CPA5: variants seen among roughly 807,000 people sequenced by gnomAD.
CPA5 encodes testicular tissue protein Li 32.
A neutral mutation model predicts 52.2 loss-of-function variants in CPA5; 38 were observed. That is an observed-to-expected ratio of 0.73 (90% CI 0.56 to 0.95). CPA5 has a LOEUF of 0.95. Among genes scored for constraint, CPA5 ranks in the 40% least tolerant of loss-of-function variants. The pLI is 0.00. For synonymous variants in CPA5, 198 were observed against 213.7 expected (o/e 0.93, Z 0.64); for missense variants, 519 against 566.7 (o/e 0.92, Z 0.86).
Position 130,359,610 on chromosome 7 carries a change from C to T in CPA5, c.355C>T (p.Gln119Ter). The change falls in exon 6 of 13, where the codon CAG (glutamine) becomes TAG (stop). Residue 119 changes from glutamine (Q) to a stop codon, truncating the protein, a stop_gained. Coordinates refer to ENST00000474905, the MANE Select transcript of CPA5 (RefSeq NM_080385.5). LOFTEE classifies it high-confidence loss of function. ...DIQVLLDEERQAMAKSRRLER... is the reference protein window; with the variant it reads ...DIQVLLDEER ...CCAGGTGCTGCTGGATGAGGAAAGA[C>T]AGGCCATGGCGAAATCCCGCCGGCT... The T allele has an allele frequency of 6.4e-7, 1 of 1,570,544 alleles. No homozygotes were observed. Among genetic ancestry groups the T allele is most frequent in the Non-Finnish European group, 8.6e-7 (1 of 1,157,206 alleles).
chr7:130,371,262 G>T (rs1164478484), downstream of CPA5, among the ~76,000 whole-genome samples: 1 of 152,218 alleles, frequency 6.6e-6, no homozygotes, highest in African/African-American at 2.4e-5. Flanking sequence ...GTGCATTAGG[G>T]GTTTCAACAT....
chr7:130,348,560 G>T (rs782479481), intron 4 of CPA5, among the ~76,000 whole-genome samples: 23 of 152,172 alleles, frequency 1.5e-4, no homozygotes, highest in Admixed American at 3.9e-4. Context: ...TGCGGGGATG[G>T]GAACAATGAT....
chr7:130,358,089 G>A (rs536625868), intron 5 of CPA5, among the ~76,000 whole-genome samples: 1 of 151,878 alleles, frequency 6.6e-6, no homozygotes, highest in Non-Finnish European at 1.5e-5. Context: ...TCCAACTCCC[G>A]GGCTCAAGCA....
downstream of CPA5, among the ~76,000 whole-genome samples, chr7:130,371,944 C>T (rs1796298651): frequency 6.6e-6 from 1 of 152,186 alleles, no homozygotes; most frequent in Non-Finnish European, 1.5e-5. Context: ...TCTTGCCTCC[C>T]TGCTCATCAG....
Position 130,346,515 on chromosome 7 carries a change from C to T in CPA5, c.30C>T (p.Arg10=). The T allele has an allele frequency of 1.2e-6, 2 of 1,613,796 alleles. No individual in the cohort carries two copies. The highest frequency in any genetic ancestry group is 1.7e-6 in the Non-Finnish European group (2 of 1,179,886). MQGTPGGGT[R]PGPSPVDRRT... Reference sequence around the variant, plus strand: ...AGGGCACCCCTGGAGGCGGGACGCGCCCTGGGCCATCCCCCGTGGACAGGC... The same window carrying T: ...AGGGCACCCCTGGAGGCGGGACGCGTCCTGGGCCATCCCCCGTGGACAGGC... Residue 10 remains arginine, a synonymous_variant, in exon 3 of 13, where the codon CGC becomes CGT. Coordinates refer to ENST00000474905, the MANE Select transcript of CPA5 (RefSeq NM_080385.5).
intron 5 of CPA5, among the ~76,000 whole-genome samples, chr7:130,352,017 G>A (rs1475451002): frequency 2.0e-5 from 3 of 152,110 alleles, no homozygotes; most frequent in African/African-American, 7.2e-5. Flanking sequence ...ACCTACCATA[G>A]GACCTGCTGC....
chr7:130,362,412 G>T (rs1328270992), intron 7 of CPA5, 26 bp from the exon 8 acceptor site: 2 of 1,576,062 alleles, frequency 1.3e-6, no homozygotes, highest in Admixed American at 3.4e-5. Flanking sequence ...TCAAACCTCG[G>T]TTTGGGGCCC....
chr7:130,359,934 C>T (rs1795700334), intron 6 of CPA5, among the ~76,000 whole-genome samples: 3 of 152,180 alleles, frequency 2.0e-5, no homozygotes. Context: ...AGGTACAGAG[C>T]AGAGTAATGG....
intron 5 of CPA5, among the ~76,000 whole-genome samples, chr7:130,357,848 T>G (rs573712033): frequency 5.3e-5 from 8 of 152,276 alleles, no homozygotes; most frequent in Admixed American, 5.2e-4. Context: ...AATAGTACAA[T>G]GGAGTTTTTA....
intron 1 of CPA5, 56 bp from the exon 2 acceptor site, chr7:130,345,783 T>G (rs1794695388): frequency 6.6e-6 from 1 of 152,288 alleles, no homozygotes; most frequent in Non-Finnish European, 1.5e-5. Flanking sequence ...TGATCTCAAA[T>G]GCAGCTGTGA....
At chr7:130,353,693 C>G (rs1795313487) in intron 5 of CPA5, among the ~76,000 whole-genome samples, 2 of 152,188 alleles carry the variant, frequency 1.3e-5, no homozygotes, top group Non-Finnish European at 2.9e-5. Flanking sequence ...TCCCACACCA[C>G]CCCCGAGGGC....
Position 130,362,544 on chromosome 7 carries a change from G to A in CPA5, c.636+5G>A, listed in dbSNP as rs782237925. 1.2e-6 allele frequency: 2 copies of A among 1,606,706 alleles called. No homozygotes were observed. Among genetic ancestry groups the A allele is most frequent in the Non-Finnish European group, 1.7e-6 (2 of 1,173,744 alleles). Reference sequence around the variant, plus strand: ...GGCATCTGGACTGCCAATAAGGTCAGCATGGACCTGTAGCCAAGGTGCACC... The same window carrying A: ...GGCATCTGGACTGCCAATAAGGTCAACATGGACCTGTAGCCAAGGTGCACC... On this transcript the variant is annotated splice_donor_5th_base_variant and intron_variant, in intron 8 of 12. Coordinates refer to ENST00000474905, the MANE Select transcript of CPA5 (RefSeq NM_080385.5).
chr7:130,353,697 C>T lies in CPA5; in HGVS notation c.333+3588C>T, dbSNP rs142589839. ...ATCTTAGCACATCCCACACCACCCC[C>T]GAGGGCCCATGCGCCATCTCGTCCC... On this transcript the variant is annotated intron_variant, in intron 5 of 12. Coordinates refer to ENST00000474905, the MANE Select transcript of CPA5 (RefSeq NM_080385.5). Among the ~76,000 whole-genome samples, 275 of 152,280 alleles carry T rather than the reference C, an allele frequency of 1.8e-3. No homozygotes were observed. In the East Asian group the frequency reaches 0.022, roughly 12 times the overall value.
At chr7:130,371,737 A>G (rs1796296545), downstream of CPA5, among the ~76,000 whole-genome samples, 1 of 152,112 alleles carries the variant, frequency 6.6e-6, no homozygotes, top group African/African-American at 2.4e-5. Context: ...TTGTATTTTT[A>G]GTAGAGACAG....
rs1554406085 is a variant in CPA5, at chr7:130,359,668, C to T, written c.413C>T (p.Ser138Leu). Residue 138 changes from serine (S) to leucine (L), a missense_variant, in exon 6 of 13, where the codon TCA becomes TTA. Coordinates refer to ENST00000474905, the MANE Select transcript of CPA5 (RefSeq NM_080385.5). ...ERSTNSFSYS[S>L]YHTLEEIYSW... ...AGCACCAACAGCTTCAGTTACTCAT[C>T]ATACCACACCCTGGAGGAGGTAGGT... is the stretch of plus-strand genomic sequence containing the variant. 3.8e-6 allele frequency: 6 copies of T among 1,585,058 alleles called. No individual in the cohort carries two copies. The highest frequency in any genetic ancestry group is 5.1e-6 in the Non-Finnish European group (6 of 1,165,478).
intron 5 of CPA5, among the ~76,000 whole-genome samples, chr7:130,355,254 C>T (rs1224279875): frequency 6.6e-6 from 1 of 152,188 alleles, no homozygotes; most frequent in Non-Finnish European, 1.5e-5. Flanking sequence ...CCTGGAGTCA[C>T]CCCAAAGTTA....
At chr7:130,358,304 A>G (rs1795604036) in intron 5 of CPA5, among the ~76,000 whole-genome samples, 1 of 152,006 alleles carries the variant, frequency 6.6e-6, no homozygotes, top group African/African-American at 2.4e-5. Flanking sequence ...CAACCTGCAT[A>G]TGTGTTATTA....
chr7:130,371,683 G>A (rs1017706490), downstream of CPA5, among the ~76,000 whole-genome samples: 30 of 151,886 alleles, frequency 2.0e-4, no homozygotes, highest in South Asian at 4.2e-4. Flanking sequence ...TCAGCCTCCC[G>A]AGTAGCTGGG....
intron 5 of CPA5, among the ~76,000 whole-genome samples, chr7:130,354,450 G>A (rs1338591112): frequency 1.3e-5 from 2 of 152,040 alleles, no homozygotes; most frequent in African/African-American, 2.4e-5. Flanking sequence ...CTGGAGTACA[G>A]TGGCATGATC....
Sources: gnomAD v4.1 joint callset for allele counts (sites outside exome capture counted in the v4.1 genomes callset) on GRCh38, gnomAD v4.1.1 for gene constraint, MANE v1.5 for transcripts, NCBI Gene and HGNC (gene_info 2026-07-23, HGNC 2026-07-21) for gene names.